INSYN2B: variants seen among roughly 807,000 people sequenced by gnomAD.
INSYN2B encodes inhibitory synaptic factor family member 2B, also known as protein INSYN2B.
INSYN2B carries 16 observed loss-of-function variants against 41.2 expected under a neutral mutation model. The observed-to-expected ratio is 0.39, with a 90% CI of 0.26 to 0.59. The LOEUF (loss-of-function observed/expected upper bound fraction) is 0.59. Among genes scored for constraint, INSYN2B ranks in the 20% least tolerant of loss-of-function variants. The pLI, the probability that INSYN2B is intolerant of heterozygous loss-of-function variation, is 0.57. For synonymous variants in INSYN2B, 245 were observed against 244.4 expected (o/e 1.00, Z -0.02); for missense variants, 608 against 646.4 (o/e 0.94, Z 0.64).
rs190071853 is a variant in INSYN2B, at chr5:169,862,231, C to T, written c.*2042G>A. On this transcript the variant is annotated 3_prime_UTR_variant, in exon 4 of 4. Coordinates refer to ENST00000377365, the MANE Select transcript of INSYN2B (RefSeq NM_001129891.3). ...TGTATTCAAGAATGGACAAACAGGC[C>T]GGGAAATTTAAGCCATTTGCCAAAG... Among the ~76,000 whole-genome samples, 338 of 152,250 alleles carry T rather than the reference C, an allele frequency of 2.2e-3. 2 individuals carry two copies. Among genetic ancestry groups the T allele is most frequent in the Admixed American group, 4.0e-3 (61 of 15,290 alleles).
intron 3 of INSYN2B, chr5:169,875,157 TC>T (rs1772243152): frequency 4.4e-6 from 2 of 454,286 alleles, no homozygotes; most frequent in Non-Finnish European, 4.4e-6. Context: ...AAATCAAGTA[TC>T]TTCTTTCAAG....
intron 1 of INSYN2B, among the ~76,000 whole-genome samples, chr5:169,948,482 T>C (rs1428047246): frequency 6.6e-6 from 1 of 152,158 alleles, no homozygotes; most frequent in East Asian, 1.9e-4. Flanking sequence ...TCTCTCTCTC[T>C]ATCTGTATAT....
intron 1 of INSYN2B, among the ~76,000 whole-genome samples, chr5:169,942,117 G>C (rs1237399498): frequency 6.6e-6 from 1 of 152,172 alleles, no homozygotes; most frequent in Admixed American, 6.5e-5. Flanking sequence ...CTTTTCCAAG[G>C]TATCAGGAAG....
chr5:169,881,936 C>G (rs1772677715), intron 2 of INSYN2B, among the ~76,000 whole-genome samples: 1 of 152,218 alleles, frequency 6.6e-6, no homozygotes, highest in Non-Finnish European at 1.5e-5. Context: ...AAACAAATAA[C>G]TGCCTTTTCC....
intron 1 of INSYN2B, among the ~76,000 whole-genome samples, chr5:169,933,459 A>C (rs973199886): frequency 3.3e-5 from 5 of 152,252 alleles, no homozygotes; most frequent in Non-Finnish European, 5.9e-5. Context: ...CTGGTAAATC[A>C]GTCATTATCC....
chr5:169,965,894 T>C (rs1777279132), intron 1 of INSYN2B, among the ~76,000 whole-genome samples: 1 of 152,180 alleles, frequency 6.6e-6, no homozygotes, highest in Non-Finnish European at 1.5e-5. Context: ...TTTGACGTGG[T>C]TCCTGTGCTG....
intron 1 of INSYN2B, among the ~76,000 whole-genome samples, chr5:169,955,655 C>T (rs988640165): frequency 6.6e-6 from 1 of 152,150 alleles, no homozygotes; most frequent in African/African-American, 2.4e-5. Flanking sequence ...AGAAGGCAGG[C>T]AAACCTGGTT....
intron 1 of INSYN2B, among the ~76,000 whole-genome samples, chr5:169,926,622 T>A (rs570462485): frequency 2.3e-4 from 35 of 152,300 alleles, no homozygotes; most frequent in African/African-American, 7.7e-4. Flanking sequence ...AAGCAAAGAA[T>A]GCATTAGAAT....
intron 1 of INSYN2B, among the ~76,000 whole-genome samples, chr5:169,943,388 G>A (rs1442931294): frequency 2.0e-5 from 3 of 151,868 alleles, no homozygotes; most frequent in Non-Finnish European, 4.4e-5. Context: ...GTGGCCCGCG[G>A]GCCATATTCT....
intron 1 of INSYN2B, among the ~76,000 whole-genome samples, chr5:169,950,786 C>T (rs1776633524): frequency 6.6e-6 from 1 of 152,212 alleles, no homozygotes; most frequent in South Asian, 2.1e-4. Flanking sequence ...GTCCCCAGCT[C>T]TATGTGATGA....
At chr5:169,866,276 C>T (rs2113432459) in intron 3 of INSYN2B, among the ~76,000 whole-genome samples, 2 of 152,288 alleles carry the variant, frequency 1.3e-5, no homozygotes, top group South Asian at 4.1e-4. Context: ...GGCTGGATGA[C>T]CTATAGGCCA....
chr5:169,878,937 G>T (rs1024002716), intron 3 of INSYN2B, among the ~76,000 whole-genome samples: 5 of 152,180 alleles, frequency 3.3e-5, no homozygotes, highest in African/African-American at 9.7e-5. Context: ...AGGCATTGGT[G>T]TTGGGTCTGT....
rs150693648 is a variant in INSYN2B, at chr5:169,966,316, A to T, written c.-919+13961T>A. ...GGGGGGCGGGGGTTGAGGAAATGGCATGACTCAGAGTTTAAAAGCCCCAAA... is the reference window on the plus strand; with the variant it reads ...GGGGGGCGGGGGTTGAGGAAATGGCTTGACTCAGAGTTTAAAAGCCCCAAA... On this transcript the variant is annotated intron_variant, in intron 1 of 3. Coordinates refer to ENST00000377365, the MANE Select transcript of INSYN2B (RefSeq NM_001129891.3). Among the ~76,000 whole-genome samples the T allele has an allele frequency of 4.0e-3, 602 of 152,286 alleles. 5 individuals carry two copies. Among genetic ancestry groups the T allele is most frequent in the African/African-American group, 0.014 (589 of 41,562 alleles).
At chr5:169,924,656 T>TA (rs1388507043) in intron 1 of INSYN2B, among the ~76,000 whole-genome samples, 9 of 152,330 alleles carry the variant, frequency 5.9e-5, no homozygotes, top group African/African-American at 2.2e-4. Context: ...CCATCCTGCT[T>TA]AAAAAATGGA....
intron 1 of INSYN2B, among the ~76,000 whole-genome samples, chr5:169,886,472 C>T (rs1350580215): frequency 6.6e-6 from 1 of 152,212 alleles, no homozygotes; most frequent in Non-Finnish European, 1.5e-5. Flanking sequence ...GCATCTTCCT[C>T]CTCAGATAAT....
intron 1 of INSYN2B, among the ~76,000 whole-genome samples, chr5:169,897,337 A>G (rs1773670837): frequency 6.6e-6 from 1 of 151,954 alleles, no homozygotes; most frequent in Non-Finnish European, 1.5e-5. Context: ...GGCACACACC[A>G]CCACACCCAG....
chr5:169,925,917 G>A lies in INSYN2B; in HGVS notation c.-918-41101C>T, dbSNP rs111551680. ...GCCTGTTTTAGGTCTTGTGTTTCCC[G>A]CAGAGACTCTAGGGAAATTCTTAAA... On this transcript the variant is annotated intron_variant, in intron 1 of 3. Coordinates refer to ENST00000377365, the MANE Select transcript of INSYN2B (RefSeq NM_001129891.3). Among the ~76,000 whole-genome samples, 347 of 152,210 alleles carry A rather than the reference G, an allele frequency of 2.3e-3. 1 individual carries two copies. The highest frequency in any genetic ancestry group is 7.8e-3 in the African/African-American group (322 of 41,512).
intron 1 of INSYN2B, among the ~76,000 whole-genome samples, chr5:169,973,676 A>G (rs1196840155): frequency 6.6e-6 from 1 of 152,194 alleles, no homozygotes; most frequent in Non-Finnish European, 1.5e-5. Flanking sequence ...AGTATGCGGT[A>G]TTGGTACCTC....
In INSYN2B at chr5:169,881,409, G is replaced by A. The variant is rs1194614934; in HGVS notation, c.1380C>T (p.Asn460=). ...CCGTGTTCTGGCAGGTACTGCAATTGTTGAGATCTTGGCCAGTTCGATAAA... is the reference window on the plus strand; with the variant it reads ...CCGTGTTCTGGCAGGTACTGCAATTATTGAGATCTTGGCCAGTTCGATAAA... ...RNFYRTGQDL[N]NCSTCQNTAC... The change falls in exon 3 of 4, where the codon AAC becomes AAT. Residue 460 remains asparagine (N), a synonymous_variant. Transcript: ENST00000377365. The A allele has an allele frequency of 6.4e-7, 1 of 1,551,394 alleles. No individual in the cohort carries two copies. Among genetic ancestry groups the A allele is most frequent in the African/African-American group, 1.4e-5 (1 of 73,026 alleles).
Sources: gnomAD v4.1 joint callset for allele counts (sites outside exome capture counted in the v4.1 genomes callset) on GRCh38, gnomAD v4.1.1 for gene constraint, MANE v1.5 for transcripts, NCBI Gene and HGNC (gene_info 2026-07-23, HGNC 2026-07-21) for gene names.